XRRA1: variants seen among roughly 807,000 people sequenced by gnomAD.
The protein encoded by XRRA1 is X-ray radiation resistance-associated protein 1.
Under a neutral mutation model 80.2 loss-of-function variants are expected in XRRA1, and 69 were observed. That is an observed-to-expected ratio of 0.86 (90% CI 0.71 to 1.05). The LOEUF (loss-of-function observed/expected upper bound fraction) is 1.05. Ranked by LOEUF, XRRA1 falls within the 50% of genes least tolerant of loss-of-function variation. The pLI, the probability that XRRA1 is intolerant of heterozygous loss-of-function variation, is 0.00. For missense variants in XRRA1, 967 were observed against 976.4 expected, an observed-to-expected ratio of 0.99 and a Z score of 0.13; for synonymous variants, 348 against 389.9, an observed-to-expected ratio of 0.89 and a Z score of 1.27.
chr11:74,866,372 G>C (rs1478098972), intron 10 of XRRA1, among the ~76,000 whole-genome samples: 1 of 151,968 alleles, frequency 6.6e-6, no homozygotes, highest in East Asian at 1.9e-4. Flanking sequence ...TCCCACCTCA[G>C]CCTCCCATGT....
intron 7 of XRRA1, among the ~76,000 whole-genome samples, chr11:74,922,101 C>T (rs537902344): frequency 1.3e-5 from 2 of 151,630 alleles, no homozygotes; most frequent in South Asian, 4.2e-4. Flanking sequence ...ACTAAAAATA[C>T]AAAAAATTAG....
At chr11:74,851,008 T>G (rs2039683992) in intron 14 of XRRA1, 80 bp downstream of exon 14, 6 of 1,067,442 alleles carry the variant, frequency 5.6e-6, no homozygotes, top group Non-Finnish European at 8.1e-6. Context: ...AGTGAGCAGC[T>G]CTACAGCCAG....
intron 10 of XRRA1, among the ~76,000 whole-genome samples, chr11:74,892,978 C>T (rs545451007): frequency 1.2e-4 from 19 of 152,210 alleles, no homozygotes; most frequent in East Asian, 7.7e-4. Context: ...CTAGTTCAAC[C>T]GTTGTGGAAG....
intron 10 of XRRA1, among the ~76,000 whole-genome samples, chr11:74,877,287 T>A (rs1165728292): frequency 6.6e-6 from 1 of 152,068 alleles, no homozygotes; most frequent in Admixed American, 6.5e-5. Context: ...CAAGGGGGAA[T>A]ATATGTTTTT....
In XRRA1 at chr11:74,851,186, T is replaced by G. The variant is rs775753966; in HGVS notation, c.1282A>C (p.Lys428Gln). Residue 428 changes from lysine to glutamine, a missense_variant, in exon 14 of 19, where the codon AAG (lysine) becomes CAG (glutamine). Transcript: ENST00000684022. ...AHTRGVPPLL[K>Q]SFLQERLGIH... Reference sequence around the variant, plus strand: ...CCCAGTCGCTCCTGGAGGAAGCTCTTCAGCAGTGGAGGGACCCCTGGTGCC... The same window carrying G: ...CCCAGTCGCTCCTGGAGGAAGCTCTGCAGCAGTGGAGGGACCCCTGGTGCC... The G allele has an allele frequency of 6.2e-7, 1 of 1,612,178 alleles. No individual in the cohort carries two copies. Among genetic ancestry groups the G allele is most frequent in the Non-Finnish European group, 8.5e-7 (1 of 1,179,044 alleles).
rs773580583 is a variant in XRRA1 at position 74,851,147 on chromosome 11, G to A, written c.1321C>T (p.Arg441Ter). 2.5e-6 allele frequency: 4 copies of A among 1,613,022 alleles called. No individual in the cohort carries two copies. The highest frequency in any genetic ancestry group is 2.2e-5 in the South Asian group (2 of 91,002). ...TGCTTAGGCTTTACTATCTTCCTTCGAATTAAGTGGATTCCCAGTCGCTCC... is the reference window on the plus strand; with the variant it reads ...TGCTTAGGCTTTACTATCTTCCTTCAAATTAAGTGGATTCCCAGTCGCTCC... ...LQERLGIHLI[R>*]RKIVKPKHHV... Residue 441 changes from arginine (R) to a stop codon, truncating the protein, a stop_gained, in exon 14 of 19, where the codon CGA (arginine) becomes TGA (stop). Transcript: ENST00000684022. LOFTEE classifies it high-confidence loss of function.
intron 13 of XRRA1, among the ~76,000 whole-genome samples, chr11:74,851,775 C>T (rs559684506): frequency 1.3e-5 from 2 of 152,336 alleles, no homozygotes; most frequent in South Asian, 2.1e-4. Flanking sequence ...TCAGTTTCTA[C>T]CACTGTCCGT....
chr11:74,910,736 T>C (rs532544006), intron 8 of XRRA1: 2 of 152,212 alleles, frequency 1.3e-5, no homozygotes, highest in East Asian at 1.9e-4. Context: ...GGCTGACAGA[T>C]AGGAGGATGG....
At chr11:74,944,280 C>A (rs745777631) in intron 2 of XRRA1, among the ~76,000 whole-genome samples, 1 of 152,150 alleles carries the variant, frequency 6.6e-6, no homozygotes, top group East Asian at 1.9e-4. Context: ...ATAGGAAGCA[C>A]GCAATAGACA....
rs543407788 is a variant in XRRA1 at position 74,899,292 on chromosome 11, G to A, written c.1003+6947C>T. ...AATAGGAAAATTTATAGCTCCAAGT[G>A]CCTACATAAAAAACTAGAAAAACTT... On this transcript the variant is annotated intron_variant, in intron 10 of 18. Transcript: ENST00000684022. Among the ~76,000 whole-genome samples the A allele has an allele frequency of 2.6e-5, 4 of 152,112 alleles. No homozygotes were observed. In the South Asian group the frequency reaches 8.3e-4, roughly 32 times the overall value.
At chr11:74,886,642 A>G (rs1018674500) in intron 10 of XRRA1, among the ~76,000 whole-genome samples, 2 of 152,228 alleles carry the variant, frequency 1.3e-5, no homozygotes, top group Admixed American at 6.5e-5. Context: ...ATATTGCCCA[A>G]AGCAATTTAT....
At position 74,875,188 on chromosome 11, in the gene XRRA1, T is replaced by C. The variant is rs975293049; in HGVS notation, c.1004-12167A>G. Among the ~76,000 whole-genome samples the C allele has an allele frequency of 2.6e-5, 4 of 152,146 alleles. No individual in the cohort carries two copies. The East Asian group carries it at 5.8e-4, about 22-fold the overall frequency. On this transcript the variant is annotated intron_variant, in intron 10 of 18. Coordinates refer to ENST00000684022, the MANE Select transcript of XRRA1 (RefSeq NM_001378157.1). ...TTCCACGAGAGGTAGCAGTGATGCA[T>C]TGTAGGACATCAGAAGGGAGCAGAT...
intron 9 of XRRA1, 92 bp from the exon 10 acceptor site, chr11:74,906,548 G>A (rs765502777): frequency 4.0e-4 from 556 of 1,401,914 alleles, no homozygotes; most frequent in Middle Eastern, 7.3e-4. Flanking sequence ...CATGGAATCA[G>A]GCTTGGATAC....
chr11:74,874,891 G>A (rs1565289309), intron 10 of XRRA1, among the ~76,000 whole-genome samples: 1 of 152,200 alleles, frequency 6.6e-6, no homozygotes, highest in African/African-American at 2.4e-5. Context: ...CAAGGAGTCT[G>A]TAAGGTGGGA....
rs139582700 is a variant in XRRA1, at chr11:74,887,682, G to C, written c.1003+18557C>G. Among the ~76,000 whole-genome samples, 262 of 152,346 alleles carry C rather than the reference G, an allele frequency of 1.7e-3. 9 individuals carry two copies. The East Asian group carries it at 0.049, about 28-fold the overall frequency. ...GAATTCCCTTTCCTACTCAAAGAAA[G>C]GGGTGACAGACGGCACCTGGAAAAT... On this transcript the variant is annotated intron_variant, in intron 10 of 18. Transcript: ENST00000684022.
At chr11:74,886,735 T>G (rs544001415) in intron 10 of XRRA1, among the ~76,000 whole-genome samples, 34 of 152,218 alleles carry the variant, frequency 2.2e-4, no homozygotes, top group Admixed American at 4.6e-4. Context: ...ATAAATAACC[T>G]TTAAAAAAAG....
chr11:74,882,514 A>G (rs2047908912), intron 10 of XRRA1, among the ~76,000 whole-genome samples: 1 of 152,182 alleles, frequency 6.6e-6, no homozygotes, highest in South Asian at 2.1e-4. Flanking sequence ...TCAGCTCGTC[A>G]AAGTCATTCT....
At chr11:74,861,624 C>T (rs1703252338) in intron 11 of XRRA1, among the ~76,000 whole-genome samples, 1 of 152,164 alleles carries the variant, frequency 6.6e-6, no homozygotes, top group Non-Finnish European at 1.5e-5. Context: ...AAATAAAGTA[C>T]ATAATAAATG....
chr11:74,940,896 A>C lies in XRRA1; in HGVS notation c.-4-14T>G, dbSNP rs1267658075. 6.3e-7 allele frequency: 1 copy of C among 1,582,604 alleles called. No individual in the cohort carries two copies. The highest frequency in any genetic ancestry group is 1.3e-5 in the African/African-American group (1 of 74,346). ...AAGGCCATCTCCCTGAGAGCCAGGC[A>C]AGGAAAGCAAGGAAGCAGAAGAGTG... On this transcript the variant is annotated splice_polypyrimidine_tract_variant and intron_variant, in intron 2 of 18. Coordinates refer to ENST00000684022, the MANE Select transcript of XRRA1 (RefSeq NM_001378157.1).
Sources: allele counts gnomAD v4.1 joint callset (sites outside exome capture counted in the v4.1 genomes callset), GRCh38; gene constraint gnomAD v4.1.1; transcripts MANE v1.5; gene names NCBI Gene and HGNC (gene_info 2026-07-23, HGNC 2026-07-21).